CIT: variants seen among roughly 807,000 people sequenced by gnomAD.
The protein encoded by CIT is citron rho-interacting serine/threonine kinase.
Under a neutral mutation model 272.7 loss-of-function variants are expected in CIT, and 79 were observed. The observed-to-expected ratio is 0.29, with a 90% confidence interval of 0.24 to 0.35. CIT has a LOEUF of 0.35. Ranked by LOEUF, CIT falls within the 10% of genes least tolerant of loss-of-function variation. The pLI is 1.00. For missense variants in CIT, 1,909 were observed against 2,618.3 expected (o/e 0.73, Z 5.91); for synonymous variants, 948 against 995.6 (o/e 0.95, Z 0.90).
At chr12:119,719,352 T>A (rs1488602349) in intron 30 of CIT, among the ~76,000 whole-genome samples, 4 of 147,892 alleles carry the variant, frequency 2.7e-5, no homozygotes, top group Middle Eastern at 3.5e-3. Flanking sequence ...CAAAAAAAAA[T>A]GCAAATGAAA....
Position 119,708,329 on chromosome 12 carries a change from A to G in CIT, c.5072-11T>C. 1 of 1,572,884 alleles carries G rather than the reference A, an allele frequency of 6.4e-7. No homozygotes were observed. The highest frequency in any genetic ancestry group is 8.6e-7 in the Non-Finnish European group (1 of 1,158,620). ...GTGCCCGCTCTTCTCCTGAACAGGAAAAGGAACAACCTCTCGTCAGTGTGA... is the reference window on the plus strand; with the variant it reads ...GTGCCCGCTCTTCTCCTGAACAGGAGAAGGAACAACCTCTCGTCAGTGTGA... On this transcript the variant is annotated splice_polypyrimidine_tract_variant and intron_variant, in intron 39 of 47. Coordinates refer to ENST00000392521, the MANE Select transcript of CIT (RefSeq NM_001206999.2).
intron 3 of CIT, among the ~76,000 whole-genome samples, chr12:119,859,801 G>A (rs1440252333): frequency 6.6e-6 from 1 of 151,598 alleles, no homozygotes; most frequent in Admixed American, 6.6e-5. Context: ...GTGACAGAGT[G>A]AGACTCCGTC....
intron 2 of CIT, among the ~76,000 whole-genome samples, chr12:119,870,239 A>G (rs1950627940): frequency 6.6e-6 from 1 of 152,148 alleles, no homozygotes; most frequent in African/African-American, 2.4e-5. Flanking sequence ...GTGCCAGTTC[A>G]GGGCAGTGCC....
At chr12:119,755,938 C>A (rs1960922407) in intron 22 of CIT, among the ~76,000 whole-genome samples, 2 of 152,184 alleles carry the variant, frequency 1.3e-5, no homozygotes, top group South Asian at 4.1e-4. Flanking sequence ...CACTGGGCCA[C>A]CATGGCTAAG....
At chr12:119,808,549 G>A (rs1281380604) in intron 9 of CIT, among the ~76,000 whole-genome samples, 2 of 151,694 alleles carry the variant, frequency 1.3e-5, no homozygotes, top group Non-Finnish European at 2.9e-5. Flanking sequence ...ACTGAGCCTC[G>A]TAAAACTCCT....
intron 5 of CIT, 81 bp from the exon 6 acceptor site, chr12:119,834,309 G>T: frequency 7.8e-7 from 1 of 1,277,214 alleles, no homozygotes; most frequent in South Asian, 1.5e-5. Context: ...AATATCACCT[G>T]ACGTGTTATA....
At chr12:119,871,783 A>G (rs990659815) in intron 2 of CIT, among the ~76,000 whole-genome samples, 2 of 152,160 alleles carry the variant, frequency 1.3e-5, no homozygotes, top group African/African-American at 2.4e-5. Flanking sequence ...CTTGAGCCCA[A>G]GAAGTAAAGG....
chr12:119,818,304 T>C, intron 9 of CIT, among the ~76,000 whole-genome samples: 1 of 151,912 alleles, frequency 6.6e-6, no homozygotes, highest in Middle Eastern at 3.4e-3. Context: ...ACTAAAGGAC[T>C]AGAAAAAAAA....
rs1267789346 is a variant in CIT, at chr12:119,738,925, G to GA, written c.2958+3485dup. Among the ~76,000 whole-genome samples the GA allele has an allele frequency of 3.5e-4, 50 of 143,766 alleles. No individual in the cohort carries two copies. The East Asian group carries it at 4.8e-3, about 14-fold the overall frequency. The allele number at this position is 143,766 out of a possible 152,430, so 94.3% of individuals were successfully genotyped here. A position where few individuals can be genotyped will look rare whatever the true frequency, so the allele number is the denominator to read the frequency against. ...AAAGATCTACTCTCAGTGTCAAAAA[G>GA]AAAAAAAAACAGCTCTGTTTGGGCT... On this transcript the variant is annotated intron_variant, in intron 24 of 47. Coordinates refer to ENST00000392521, the MANE Select transcript of CIT (RefSeq NM_001206999.2).
In CIT at chr12:119,713,563, G is replaced by C. The variant is rs375934324; in HGVS notation, c.4392C>G (p.Thr1464=). The C allele has an allele frequency of 1.1e-5, 17 of 1,614,216 alleles. No homozygotes were observed. Among genetic ancestry groups the C allele is most frequent in the Non-Finnish European group, 1.4e-5 (17 of 1,180,042 alleles). ...TCATTTTGTCACGGCAGAAGGCCTCGGTGAAGTGTGTGGCATATTCAGCAG... is the reference window on the plus strand; with the variant it reads ...TCATTTTGTCACGGCAGAAGGCCTCCGTGAAGTGTGTGGCATATTCAGCAG... ...GLPAEYATHF[T]EAFCRDKMNS... The change falls in exon 34 of 48, where the codon ACC becomes ACG. Residue 1464 remains threonine, a synonymous_variant. Coordinates refer to ENST00000392521, the MANE Select transcript of CIT (RefSeq NM_001206999.2). The surrounding 1 kb of genome is among the most constrained non-coding windows in gnomAD (Gnocchi z 5.2).
intron 9 of CIT, among the ~76,000 whole-genome samples, chr12:119,821,377 A>G (rs1378204800): frequency 6.6e-6 from 1 of 152,192 alleles, no homozygotes; most frequent in East Asian, 1.9e-4. Context: ...GGAGTCAAAT[A>G]TATTATGCCT....
intron 5 of CIT, 97 bp from the exon 6 acceptor site, chr12:119,834,325 A>G: frequency 1.7e-6 from 2 of 1,149,276 alleles, no homozygotes; most frequent in Non-Finnish European, 2.5e-6. Context: ...TTATAATAAC[A>G]AGGTCTCCAC....
In CIT at chr12:119,735,140, A is replaced by AC; in HGVS notation, c.3156+19dup. The AC allele has an allele frequency of 6.2e-7, 1 of 1,611,544 alleles. No individual in the cohort carries two copies. The highest frequency in any genetic ancestry group is 8.5e-7 in the Non-Finnish European group (1 of 1,178,708). On this transcript the variant is annotated intron_variant, in intron 25 of 47. Transcript: ENST00000392521. ...CTAAAAGTCCTCCAGGGATCTCACG[A>AC]CCTTGTTAACCCTCCTTACTTGCTT...
At chr12:119,748,341 G>A (rs1959741621) in intron 23 of CIT, among the ~76,000 whole-genome samples, 1 of 152,174 alleles carries the variant, frequency 6.6e-6, no homozygotes, top group Non-Finnish European at 1.5e-5. Flanking sequence ...TTAATTTTCA[G>A]GAAAGTTACA....
intron 13 of CIT, among the ~76,000 whole-genome samples, chr12:119,778,644 C>T (rs371248496): frequency 2.7e-5 from 4 of 148,980 alleles, no homozygotes; most frequent in African/African-American, 1.0e-4. Context: ...CAGGTGACGC[C>T]CCCCCCCCAG....
chr12:119,739,332 G>A (rs1203839273), intron 24 of CIT, among the ~76,000 whole-genome samples: 1 of 152,166 alleles, frequency 6.6e-6, no homozygotes, highest in Non-Finnish European at 1.5e-5. Context: ...GTCTGAGCTT[G>A]AAAATCTTAC....
rs1176074133 is a variant in CIT at position 119,770,264 on chromosome 12, T to TAAA, written c.2208+520_2208+521insTTT. ...GCTATATCTAAGGAAATTGAAAAAATAATAATAATAATAACCAACTGTAGC... is the reference window on the plus strand; with the variant it reads ...GCTATATCTAAGGAAATTGAAAAAATAAAAATAATAATAATAACCAACTGTAGC... On this transcript the variant is annotated intron_variant, in intron 18 of 47. Transcript: ENST00000392521. This position sits in a 1 kb window ranked among gnomAD's most constrained non-coding sequence, Gnocchi z 4.4. Among the ~76,000 whole-genome samples, 2 of 151,778 alleles carry TAAA rather than the reference T, an allele frequency of 1.3e-5. No homozygotes were observed. The highest frequency in any genetic ancestry group is 2.9e-5 in the Non-Finnish European group (2 of 67,956).
At chr12:119,807,994 G>A (rs1463301397) in intron 9 of CIT, among the ~76,000 whole-genome samples, 1 of 152,036 alleles carries the variant, frequency 6.6e-6, no homozygotes, top group Non-Finnish European at 1.5e-5. Context: ...AGTGGCAGAG[G>A]CTATACAAGT....
intron 10 of CIT, among the ~76,000 whole-genome samples, chr12:119,793,394 T>C (rs1419326107): frequency 6.6e-6 from 1 of 152,164 alleles, no homozygotes; most frequent in African/African-American, 2.4e-5. Flanking sequence ...ATAACCACAC[T>C]TACCTCCCTG....
Sources: gnomAD v4.1 joint callset for allele counts (sites outside exome capture counted in the v4.1 genomes callset) on GRCh38, gnomAD v4.1.1 for gene constraint, Gnocchi (gnomAD v3.1) non-coding constraint, MANE v1.5 for transcripts, NCBI Gene and HGNC (gene_info 2026-07-23, HGNC 2026-07-21) for gene names.